The following DAW1 variants were observed in gnomAD, a reference collection of about 807,000 sequenced individuals.
DAW1 encodes the protein dynein assembly factor with WD repeat domains 1.
Under a neutral mutation model 56.5 loss-of-function variants are expected in DAW1, and 47 were observed. The observed-to-expected ratio is 0.83, with a 90% CI of 0.66 to 1.06. The LOEUF (loss-of-function observed/expected upper bound fraction) is 1.06. Among genes scored for constraint, DAW1 ranks in the 50% least tolerant of loss-of-function variants. The pLI is 0.00. For missense variants in DAW1, 505 were observed against 499.3 expected (o/e 1.01, Z -0.11); for synonymous variants, 190 against 179.0 (o/e 1.06, Z -0.49).
intron 12 of DAW1, among the ~76,000 whole-genome samples, chr2:227,922,177 G>T (rs1312702904): frequency 6.6e-6 from 1 of 152,158 alleles, no homozygotes; most frequent in Non-Finnish European, 1.5e-5. Context: ...GTTTATGTCA[G>T]TAAGTGTTAG....
intron 10 of DAW1, among the ~76,000 whole-genome samples, chr2:227,915,818 G>A (rs1691937733): frequency 6.6e-6 from 1 of 152,028 alleles, no homozygotes; most frequent in South Asian, 2.1e-4. Flanking sequence ...ATGCTACACT[G>A]TATCTACTTC....
chr2:227,887,135 A>G (rs949238040), intron 2 of DAW1, among the ~76,000 whole-genome samples: 4 of 152,154 alleles, frequency 2.6e-5, no homozygotes, highest in South Asian at 2.1e-4. Flanking sequence ...ATGATGGTCT[A>G]TGTAGGGTCC....
At chr2:227,882,306 A>G (rs985511804) in intron 1 of DAW1, among the ~76,000 whole-genome samples, 2 of 152,192 alleles carry the variant, frequency 1.3e-5, no homozygotes, top group African/African-American at 4.8e-5. Flanking sequence ...CTGTGCTGAC[A>G]TTGTCACTAA....
intron 10 of DAW1, chr2:227,912,354 G>GC: frequency 7.7e-7 from 1 of 1,304,212 alleles, no homozygotes; most frequent in Non-Finnish European, 1.0e-6. Context: ...TGCCTCAGCC[G>GC]CCCGAGTTAT....
Position 227,924,320 on chromosome 2 carries a change from T to C in DAW1, c.*352T>C. Reference sequence around the variant, plus strand: ...CTTTGAAGCCTATTGTTATAATTTCTGTTGAATAAAGTGTTTGGAGGAAAT... The same window carrying C: ...CTTTGAAGCCTATTGTTATAATTTCCGTTGAATAAAGTGTTTGGAGGAAAT... On this transcript the variant is annotated 3_prime_UTR_variant, in exon 13 of 13. Coordinates refer to ENST00000309931, the MANE Select transcript of DAW1 (RefSeq NM_178821.3). 3.8e-6 allele frequency: 1 copy of C among 264,742 alleles called. No homozygotes were observed. The allele number at this position is 264,742 out of a possible 1,614,324, so 16.4% of individuals were successfully genotyped here. A position where few individuals can be genotyped will look rare whatever the true frequency, so the allele number is the denominator to read the frequency against.
intron 1 of DAW1, among the ~76,000 whole-genome samples, 186 bp downstream of exon 1, chr2:227,871,915 A>T (rs1379756164): frequency 6.6e-6 from 1 of 152,214 alleles, no homozygotes; most frequent in East Asian, 1.9e-4. Flanking sequence ...CAAAACATTA[A>T]CAATTACTCT....
At chr2:227,895,975 G>T (rs908712347) in intron 5 of DAW1, among the ~76,000 whole-genome samples, 11 of 152,002 alleles carry the variant, frequency 7.2e-5, no homozygotes, top group African/African-American at 2.7e-4. Flanking sequence ...ATAAAAATTT[G>T]ATACACTTAG....
At chr2:227,872,308 A>T (rs1475186896) in intron 1 of DAW1, 1 of 151,870 alleles carries the variant, frequency 6.6e-6, no homozygotes, top group Admixed American at 6.6e-5. Context: ...AAAAGAAAAA[A>T]ATCTGCAAAA....
intron 1 of DAW1, among the ~76,000 whole-genome samples, chr2:227,879,994 A>G (rs1014947341): frequency 3.3e-5 from 5 of 152,226 alleles, no homozygotes; most frequent in Non-Finnish European, 7.4e-5. Flanking sequence ...TTCAAAAAGT[A>G]AAATCATTAT....
At chr2:227,923,531 G>C (rs1359348652) in intron 12 of DAW1, among the ~76,000 whole-genome samples, 1 of 152,148 alleles carries the variant, frequency 6.6e-6, no homozygotes, top group Non-Finnish European at 1.5e-5. Flanking sequence ...GTTCCAAAGT[G>C]GTATGTCCTG....
intron 12 of DAW1, among the ~76,000 whole-genome samples, chr2:227,923,541 G>T (rs917034269): frequency 1.3e-5 from 2 of 152,122 alleles, no homozygotes; most frequent in African/African-American, 4.8e-5. Context: ...GGTATGTCCT[G>T]CCTCTTCCTA....
At chr2:227,912,896 A>G (rs1048510636) in intron 10 of DAW1, among the ~76,000 whole-genome samples, 1 of 152,202 alleles carries the variant, frequency 6.6e-6, no homozygotes, top group Non-Finnish European at 1.5e-5. Flanking sequence ...ACCATATATG[A>G]TGCCACATTT....
intron 5 of DAW1, among the ~76,000 whole-genome samples, chr2:227,896,714 A>T (rs932948360): frequency 6.6e-6 from 1 of 151,760 alleles, no homozygotes; most frequent in African/African-American, 2.4e-5. Context: ...GTAAGCTTTG[A>T]CTCAATAAAG....
chr2:227,904,014 C>T (rs1691619129), intron 7 of DAW1, among the ~76,000 whole-genome samples: 1 of 150,432 alleles, frequency 6.6e-6, no homozygotes, highest in Non-Finnish European at 1.5e-5. Context: ...ATTACTATCT[C>T]TTCCTTCAGG....
At chr2:227,914,755 T>G (rs1364822284) in intron 10 of DAW1, among the ~76,000 whole-genome samples, 1 of 152,078 alleles carries the variant, frequency 6.6e-6, no homozygotes, top group Non-Finnish European at 1.5e-5. Context: ...CCACCTATGA[T>G]GCTACATGTT....
intron 1 of DAW1, among the ~76,000 whole-genome samples, chr2:227,873,196 C>A (rs1295943730): frequency 1.3e-5 from 2 of 152,196 alleles, no homozygotes; most frequent in Admixed American, 6.5e-5. Flanking sequence ...TCAATGTCAA[C>A]CACCTGAAGA....
chr2:227,915,225 T>C (rs1691924380), intron 10 of DAW1, among the ~76,000 whole-genome samples: 1 of 152,086 alleles, frequency 6.6e-6, no homozygotes, highest in Non-Finnish European at 1.5e-5. Context: ...TCTTCATCCT[T>C]TACTTGATGA....
At chr2:227,902,970 T>A (rs764697666) in intron 6 of DAW1, 32 bp from the exon 7 acceptor site, 1 of 1,597,948 alleles carries the variant, frequency 6.3e-7, no homozygotes, top group Non-Finnish European at 8.6e-7. Context: ...AACTCTGTCT[T>A]CCTAAAATTT....
intron 2 of DAW1, 161 bp from the exon 3 acceptor site, chr2:227,889,695 C>T (rs942769419): frequency 2.0e-6 from 1 of 507,518 alleles, no homozygotes; most frequent in Middle Eastern, 4.9e-4. Context: ...TTTGTATGAT[C>T]CTCCCCGCCC....
Sources: gnomAD v4.1 joint callset for allele counts (sites outside exome capture counted in the v4.1 genomes callset) on GRCh38, gnomAD v4.1.1 for gene constraint, MANE v1.5 for transcripts, NCBI Gene and HGNC (gene_info 2026-07-23, HGNC 2026-07-21) for gene names.